The following RYR2 variants were observed in gnomAD, a reference collection of about 807,000 sequenced individuals.
RYR2 encodes the protein ryanodine receptor 2, also known as cardiac muscle ryanodine receptor-calcium release channel.
Under a neutral mutation model 601.1 loss-of-function variants are expected in RYR2, and 227 were observed. The observed-to-expected ratio is 0.38, with a 90% CI of 0.34 to 0.42. RYR2 has a LOEUF of 0.42. RYR2 is among the 10% of genes least tolerant of loss of function. The probability of loss-of-function intolerance (pLI) is 1.00; values close to 1 mark genes in which losing one functional copy is unlikely to be tolerated. For missense variants in RYR2, 4,646 were observed against 6,156.5 expected (o/e 0.75, Z 8.21); for synonymous variants, 2,223 against 2,175.1 (o/e 1.02, Z -0.61).
chr1:237,345,068 C>G (rs987777634), intron 3 of RYR2, among the ~76,000 whole-genome samples: 7 of 152,154 alleles, frequency 4.6e-5, no homozygotes, highest in Non-Finnish European at 8.8e-5. Flanking sequence ...TTCGGACTCC[C>G]AAAGTGCTGG....
In RYR2 at chr1:237,633,567, T is replaced by G. The variant is rs372925188; in HGVS notation, c.6556-11T>G. On this transcript the variant is annotated splice_polypyrimidine_tract_variant and intron_variant, in intron 42 of 104. Transcript: ENST00000366574. ...TTGCTTTCAGCAGCTAATGACATGC[T>G]TTATCTGTAGGAAATCACCTTTCCC... is the stretch of plus-strand genomic sequence containing the variant. 1 of 1,613,732 alleles carries G rather than the reference T, an allele frequency of 6.2e-7. No homozygotes were observed. The highest frequency in any genetic ancestry group is 1.3e-5 in the African/African-American group (1 of 74,924).
intron 1 of RYR2, among the ~76,000 whole-genome samples, chr1:237,072,036 T>TG (rs796652591): frequency 3.3e-4 from 51 of 152,284 alleles, no homozygotes; most frequent in African/African-American, 1.2e-3. Context: ...CTGACCCTGC[T>TG]GGGGGAAGAG....
At chr1:237,539,433 G>A (rs1017787121) in intron 25 of RYR2, among the ~76,000 whole-genome samples, 3 of 152,166 alleles carry the variant, frequency 2.0e-5, no homozygotes, top group Non-Finnish European at 2.9e-5. Context: ...TTCTACTGCT[G>A]TCTCTTTTGC....
intron 3 of RYR2, among the ~76,000 whole-genome samples, chr1:237,345,632 A>G (rs1189108499): frequency 1.3e-5 from 2 of 152,056 alleles, no homozygotes; most frequent in African/African-American, 4.8e-5. Context: ...CAAAAGTTCC[A>G]TCATTATTCA....
intron 15 of RYR2, among the ~76,000 whole-genome samples, chr1:237,455,098 A>G (rs749638911): frequency 1.3e-5 from 2 of 152,080 alleles, no homozygotes; most frequent in Non-Finnish European, 2.9e-5. Flanking sequence ...CATCTATTAC[A>G]TTTCCATGTA....
chr1:237,816,762 C>G (rs1411190835), intron 100 of RYR2, among the ~76,000 whole-genome samples: 6 of 152,038 alleles, frequency 3.9e-5, no homozygotes, highest in Admixed American at 1.3e-4. Context: ...AAAACAAATT[C>G]AAACAGTATG....
intron 27 of RYR2, among the ~76,000 whole-genome samples, chr1:237,562,411 G>A (rs568059475): frequency 6.6e-6 from 1 of 152,232 alleles, no homozygotes; most frequent in Non-Finnish European, 1.5e-5. Flanking sequence ...GATCTTGACT[G>A]CCCTCTAGTG....
chr1:237,792,714 C>A (rs1658612663), intron 94 of RYR2, among the ~76,000 whole-genome samples: 1 of 152,128 alleles, frequency 6.6e-6, no homozygotes, highest in African/African-American at 2.4e-5. Flanking sequence ...AAGTAGCTTT[C>A]TTTCATATAC....
chr1:237,154,949 C>T (rs1443793636), intron 1 of RYR2, among the ~76,000 whole-genome samples: 1 of 152,056 alleles, frequency 6.6e-6, no homozygotes, highest in Non-Finnish European at 1.5e-5. Context: ...AAAATAAACA[C>T]TTTCTCATTG....
chr1:237,250,854 G>A (rs1203842064), intron 1 of RYR2, among the ~76,000 whole-genome samples: 2 of 152,114 alleles, frequency 1.3e-5, no homozygotes, highest in African/African-American at 4.8e-5. Flanking sequence ...TCCCTCAAGT[G>A]TATCAAAAAC....
chr1:237,630,643 A>G (rs1680148456), intron 41 of RYR2, among the ~76,000 whole-genome samples: 1 of 152,178 alleles, frequency 6.6e-6, no homozygotes, highest in Non-Finnish European at 1.5e-5. Flanking sequence ...TTTTATAGAA[A>G]AGACTCTTGG....
At position 237,792,144 on chromosome 1, in the gene RYR2, A is replaced by T; in HGVS notation, c.13603A>T (p.Thr4535Ser). The change falls in exon 94 of 105, where the codon ACG becomes TCG. Residue 4535 changes from threonine (T) to serine (S), a missense_variant. Physicochemically the swap from Thr to Ser is moderately conservative, Grantham distance 58. Coordinates refer to ENST00000366574, the MANE Select transcript of RYR2 (RefSeq NM_001035.3). ...TGTGGTTGAAGGAAAGGAGCTCCCCACGAGAAGTTCAAGTGAAAATGCCAA... is the reference window on the plus strand; with the variant it reads ...TGTGGTTGAAGGAAAGGAGCTCCCCTCGAGAAGTTCAAGTGAAAATGCCAA... ...SSVVEGKELP[T>S]RSSSENAKVT... 1 of 1,608,178 alleles carries T rather than the reference A, an allele frequency of 6.2e-7. No individual in the cohort carries two copies. Among genetic ancestry groups the T allele is most frequent in the Non-Finnish European group, 8.5e-7 (1 of 1,177,176 alleles).
intron 10 of RYR2, among the ~76,000 whole-genome samples, chr1:237,395,564 T>TTTTTTTTTTTTTTTTTTTG (rs1400077755): frequency 2.6e-5 from 2 of 77,632 alleles, no homozygotes; most frequent in African/African-American, 1.2e-4. Flanking sequence ...TTTTTTTTTT[T>TTTTTTTTTTTTTTTTTTTG]GAGACAGAGT....
At chr1:237,055,785 T>G (rs1371298429) in intron 1 of RYR2, among the ~76,000 whole-genome samples, 6 of 152,168 alleles carry the variant, frequency 3.9e-5, no homozygotes, top group African/African-American at 1.4e-4. Flanking sequence ...AATAGGGTCT[T>G]TACAGAAGGA....
chr1:237,650,756 A>G (rs1163092640), intron 50 of RYR2, among the ~76,000 whole-genome samples: 1 of 152,144 alleles, frequency 6.6e-6, no homozygotes, highest in African/African-American at 2.4e-5. Flanking sequence ...TCCCTGGGGG[A>G]AGGGCAAGTT....
At chr1:237,321,653 C>T (rs1259946494) in intron 2 of RYR2, among the ~76,000 whole-genome samples, 1 of 152,110 alleles carries the variant, frequency 6.6e-6, no homozygotes, top group East Asian at 1.9e-4. Flanking sequence ...AAATCCTCTT[C>T]CCAGAGGGAT....
intron 34 of RYR2, among the ~76,000 whole-genome samples, chr1:237,596,777 A>G (rs1413221407): frequency 6.6e-6 from 1 of 152,200 alleles, no homozygotes; most frequent in African/African-American, 2.4e-5. Flanking sequence ...GCACCAAGTC[A>G]TATATACTTG....
At chr1:237,447,491 G>T (rs752100094) in intron 14 of RYR2, among the ~76,000 whole-genome samples, 1 of 151,990 alleles carries the variant, frequency 6.6e-6, no homozygotes, top group Non-Finnish European at 1.5e-5. Flanking sequence ...ATTATTTTTT[G>T]TCTGGGCTAT....
At chr1:237,248,572 T>C (rs1687139394) in intron 1 of RYR2, among the ~76,000 whole-genome samples, 2 of 152,072 alleles carry the variant, frequency 1.3e-5, no homozygotes, top group African/African-American at 4.8e-5. Context: ...TAGAAGAGGA[T>C]GTTTTAATGT....
Sources: allele counts gnomAD v4.1 joint callset (sites outside exome capture counted in the v4.1 genomes callset), GRCh38; gene constraint gnomAD v4.1.1; transcripts MANE v1.5; gene names NCBI Gene and HGNC (gene_info 2026-07-23, HGNC 2026-07-21).